Variants in RAP1GAP2 observed in about 807,000 individuals in gnomAD.
The protein encoded by RAP1GAP2 is RAP1 GTPase activating protein 2.
A neutral mutation model predicts 95.0 loss-of-function variants in RAP1GAP2; 27 were observed. The observed-to-expected ratio is 0.28, with a 90% CI of 0.21 to 0.39. The LOEUF is 0.39. Among genes scored for constraint, RAP1GAP2 ranks in the 10% least tolerant of loss-of-function variants. The pLI is 1.00. For synonymous variants in RAP1GAP2, 373 were observed against 380.9 expected, an observed-to-expected ratio of 0.98 and a Z score of 0.24; for missense variants, 771 against 970.0, an observed-to-expected ratio of 0.79 and a Z score of 2.72.
Position 3,030,940 on chromosome 17 carries a change from C to CA in RAP1GAP2, c.2126_2127insA (p.Arg711GlufsTer9). 2 of 1,610,776 alleles carry CA rather than the reference C, an allele frequency of 1.2e-6. No individual in the cohort carries two copies. Among genetic ancestry groups the CA allele is most frequent in the Non-Finnish European group, 1.7e-6 (2 of 1,178,606 alleles). On this transcript the variant is annotated frameshift_variant, in exon 23 of 25. Transcript: ENST00000254695. LOFTEE classifies it high-confidence loss of function. ...TTCTTAGATGCCAAAAGCAGAAACT[C>CA]CCCGAGATCGAACCTGAAATTCCGC...
At chr17:2,864,075 C>T (rs1479580012) in intron 2 of RAP1GAP2, among the ~76,000 whole-genome samples, 11 of 86,962 alleles carry the variant, frequency 1.3e-4, no homozygotes, top group South Asian at 4.3e-4. Context: ...AAAACAGTGG[C>T]GGCGGGAGCC....
rs942836776 is a variant in RAP1GAP2 at position 2,873,955 on chromosome 17, T to C, written c.81-31329T>C. Among the ~76,000 whole-genome samples, 427 of 141,776 alleles carry C rather than the reference T, an allele frequency of 3.0e-3. 2 individuals are homozygous for C. Among genetic ancestry groups the C allele is most frequent in the African/African-American group, 0.01 (404 of 38,706 alleles). 93.0% of individuals were successfully genotyped at this position (141,776 alleles called of 152,430 possible). A position where few individuals can be genotyped will look rare whatever the true frequency, so the allele number is the denominator to read the frequency against. On this transcript the variant is annotated intron_variant, in intron 2 of 24. Coordinates refer to ENST00000254695, the MANE Select transcript of RAP1GAP2 (RefSeq NM_015085.5). ...TTCTGTATTTTTGGTAGAGACGCGG[T>C]GGGGGGGGGCGGGTTTCACCATGTT... is the stretch of plus-strand genomic sequence containing the variant.
At chr17:3,024,967 C>T (rs769642266) in intron 19 of RAP1GAP2, among the ~76,000 whole-genome samples, 3 of 152,194 alleles carry the variant, frequency 2.0e-5, no homozygotes, top group Non-Finnish European at 4.4e-5. Flanking sequence ...ATTCTAAAAT[C>T]AGATGGTGGT....
At chr17:2,973,537 TAAAATTGTTGGAACTCAAG>T (rs1484448685) in intron 8 of RAP1GAP2, among the ~76,000 whole-genome samples, 1 of 152,012 alleles carries the variant, frequency 6.6e-6, no homozygotes, top group Non-Finnish European at 1.5e-5. Flanking sequence ...AGGAAAACAG[TAAAATTGTTGGAACTCAAG>T]AAATAATTGT....
At chr17:2,776,265 C>T (rs1309782190), upstream of RAP1GAP2, among the ~76,000 whole-genome samples, 2 of 152,220 alleles carry the variant, frequency 1.3e-5, no homozygotes, top group Non-Finnish European at 2.9e-5. Context: ...CGTTCTGTAC[C>T]CCGTCCCGGG....
chr17:2,948,128 G>T (rs972940346), intron 3 of RAP1GAP2, among the ~76,000 whole-genome samples: 1 of 152,210 alleles, frequency 6.6e-6, no homozygotes, highest in Non-Finnish European at 1.5e-5. Context: ...ACGCTGGCCC[G>T]TGTGGTCCTG....
At chr17:2,954,224 C>T (rs969286071) in intron 3 of RAP1GAP2, among the ~76,000 whole-genome samples, 20 of 152,064 alleles carry the variant, frequency 1.3e-4, no homozygotes, top group Non-Finnish European at 8.8e-5. Flanking sequence ...CCTGCCTCAG[C>T]CTCCTGAGTA....
At chr17:2,951,737 A>G (rs1457197950) in intron 3 of RAP1GAP2, among the ~76,000 whole-genome samples, 1 of 150,018 alleles carries the variant, frequency 6.7e-6, no homozygotes, top group Non-Finnish European at 1.5e-5. Flanking sequence ...CGAAAATAAA[A>G]AGACGTGAAA....
rs570665965 is a variant in RAP1GAP2, at chr17:3,003,456, C to T, written c.1201-1913C>T. ...AGCCCACCGCCGGGGAGGGCCCTGT[C>T]TTTGTAGCCCCCTCCCCGTTTCCCG... On this transcript the variant is annotated intron_variant, in intron 14 of 24. Transcript: ENST00000254695. This position sits in a 1 kb window ranked among gnomAD's most constrained non-coding sequence, Gnocchi z 4.1. Among the ~76,000 whole-genome samples the T allele has an allele frequency of 1.8e-3, 278 of 152,272 alleles. 1 individual carries two copies. Among genetic ancestry groups the T allele is most frequent in the African/African-American group, 6.5e-3 (272 of 41,564 alleles).
intron 1 of RAP1GAP2, among the ~76,000 whole-genome samples, chr17:2,762,453 A>G (rs2071273622): frequency 7.1e-6 from 1 of 141,790 alleles, no homozygotes; most frequent in Non-Finnish European, 1.5e-5. Context: ...GCTGGAGTGC[A>G]GTGGCACGAT....
At chr17:2,812,944 C>T (rs1252795495) in intron 2 of RAP1GAP2, among the ~76,000 whole-genome samples, 1 of 148,262 alleles carries the variant, frequency 6.7e-6, no homozygotes, top group African/African-American at 2.5e-5. Context: ...GAGCCGAGAT[C>T]GCACCATTGC....
chr17:2,842,529 C>CAAAAAAAAAAAAA (rs34473053), intron 2 of RAP1GAP2, among the ~76,000 whole-genome samples: 1 of 78,066 alleles, frequency 1.3e-5, no homozygotes. Flanking sequence ...GATTCCGTCT[C>CAAAAAAAAAAAAA]AAAAAAAAAA....
chr17:2,786,120 C>T (rs1161525112), intron 1 of RAP1GAP2, among the ~76,000 whole-genome samples: 1 of 152,078 alleles, frequency 6.6e-6, no homozygotes, highest in Non-Finnish European at 1.5e-5. Flanking sequence ...AGGCTGATCT[C>T]GAACTCCTGA....
intron 1 of RAP1GAP2, 80 bp from the exon 2 acceptor site, chr17:2,800,435 C>A (rs944762746): frequency 1.3e-4 from 139 of 1,052,946 alleles, no homozygotes; most frequent in Non-Finnish European, 1.8e-4. Flanking sequence ...TTGGGCTGTC[C>A]CGGGGACTCC....
At chr17:2,829,451 C>T (rs971561553) in intron 2 of RAP1GAP2, among the ~76,000 whole-genome samples, 2 of 152,060 alleles carry the variant, frequency 1.3e-5, no homozygotes, top group African/African-American at 2.4e-5. Flanking sequence ...TCCCAGCGAC[C>T]CTTCTCTCCT....
intron 18 of RAP1GAP2, among the ~76,000 whole-genome samples, chr17:3,019,201 C>T (rs1006720497): frequency 3.9e-5 from 6 of 152,134 alleles, no homozygotes; most frequent in African/African-American, 1.2e-4. Flanking sequence ...CTGATTGACT[C>T]GTACCAGGGG....
At chr17:2,901,939 G>A (rs1445604017) in intron 2 of RAP1GAP2, among the ~76,000 whole-genome samples, 2 of 152,202 alleles carry the variant, frequency 1.3e-5, no homozygotes, top group Non-Finnish European at 2.9e-5. Flanking sequence ...CCTGGGCACT[G>A]CATTCATTTC....
At position 2,856,465 on chromosome 17, in the gene RAP1GAP2, C is replaced by T. The variant is rs182471335; in HGVS notation, c.81-48819C>T. On this transcript the variant is annotated intron_variant, in intron 2 of 24. Coordinates refer to ENST00000254695, the MANE Select transcript of RAP1GAP2 (RefSeq NM_015085.5). ...GGTACAAAGTGCTGCATAAAGGTAA[C>T]GGGGGTTTGATCGGAACTGTTCCCC... Among the ~76,000 whole-genome samples, 33 of 152,270 alleles carry T rather than the reference C, an allele frequency of 2.2e-4. No homozygotes were observed. In the East Asian group the frequency reaches 5.0e-3, roughly 23 times the overall value.
At chr17:2,877,581 C>G (rs888070935) in intron 2 of RAP1GAP2, among the ~76,000 whole-genome samples, 1 of 152,112 alleles carries the variant, frequency 6.6e-6, no homozygotes, top group Non-Finnish European at 1.5e-5. Flanking sequence ...AACCCCATCT[C>G]TACTAAAAAA....
Sources: allele counts gnomAD v4.1 joint callset (sites outside exome capture counted in the v4.1 genomes callset), GRCh38; gene constraint gnomAD v4.1.1; non-coding constraint Gnocchi (gnomAD v3.1); transcripts MANE v1.5; gene names NCBI Gene and HGNC (gene_info 2026-07-23, HGNC 2026-07-21).